Variants in TUSC3 observed in about 807,000 individuals in gnomAD.
TUSC3 encodes tumor suppressor candidate 3, also known as dolichyl-diphosphooligosaccharide--protein glycosyltransferase subunit TUSC3.
TUSC3 carries 45 observed loss-of-function variants against 44.8 expected under a neutral mutation model. That is an observed-to-expected ratio of 1.00 (90% CI 0.79 to 1.29). The LOEUF is 1.29. Ranked by LOEUF, TUSC3 falls within the 50% of genes most tolerant of loss-of-function variation. The pLI is 0.00. For synonymous variants in TUSC3, 212 were observed against 152.9 expected (o/e 1.39, Z -2.85); for missense variants, 519 against 437.9 (o/e 1.19, Z -1.65).
At chr8:15,526,774 A>G (rs1419202107) in intron 2 of TUSC3, among the ~76,000 whole-genome samples, 4 of 152,152 alleles carry the variant, frequency 2.6e-5, no homozygotes, top group African/African-American at 7.2e-5. Flanking sequence ...GAGTCCACAT[A>G]TAAAATGATA....
intron 1 of TUSC3, among the ~76,000 whole-genome samples, chr8:15,562,067 A>C (rs1802494900): frequency 6.6e-6 from 1 of 152,152 alleles, no homozygotes; most frequent in African/African-American, 2.4e-5. Flanking sequence ...CATAGCTAAG[A>C]TGGAAATGGA....
rs138528908 is a variant in TUSC3 at position 15,689,867 on chromosome 8, A to AAAATAT, written c.798+16032_798+16033insAATATA. Among the ~76,000 whole-genome samples, 12 of 142,916 alleles carry AAAATAT rather than the reference A, an allele frequency of 8.4e-5. 1 individual carries two copies. The highest frequency in any genetic ancestry group is 3.1e-4 in the African/African-American group (12 of 38,242). 93.8% of individuals were successfully genotyped at this position (142,916 alleles called of 152,430 possible). A position where few individuals can be genotyped will look rare whatever the true frequency, so the allele number is the denominator to read the frequency against. On this transcript the variant is annotated intron_variant, in intron 6 of 10. Coordinates refer to ENST00000503731, the MANE Select transcript of TUSC3 (RefSeq NM_006765.4). ...GTGTGTGTGTGTGTGTGTGTGTATA[A>AAAATAT]ATATATATATATATGCATGCCACAT...
intron 7 of TUSC3, 150 bp downstream of exon 7, chr8:15,730,879 A>G: frequency 4.2e-6 from 3 of 706,152 alleles, no homozygotes; most frequent in Non-Finnish European, 7.2e-6. Flanking sequence ...TTTTTATGCT[A>G]ATTATTTCCT....
chr8:15,690,064 C>T (rs1808832663), intron 6 of TUSC3, among the ~76,000 whole-genome samples: 1 of 152,094 alleles, frequency 6.6e-6, no homozygotes, highest in Admixed American at 6.6e-5. Context: ...GTAATTAATT[C>T]TGTTTTAAGC....
chr8:15,589,905 A>G (rs1046197144), intron 1 of TUSC3, among the ~76,000 whole-genome samples: 2 of 152,168 alleles, frequency 1.3e-5, no homozygotes, highest in Non-Finnish European at 2.9e-5. Context: ...CCTAGTGAGG[A>G]TAGAGTAGGA....
At chr8:15,542,551 T>A (rs4831340) in intron 1 of TUSC3, among the ~76,000 whole-genome samples, 1 of 151,894 alleles carries the variant, frequency 6.6e-6, no homozygotes. Context: ...CTTACATTTT[T>A]GTTTTTCGTT....
chr8:15,650,830 G>C lies in TUSC3; in HGVS notation c.426+16G>C. The C allele has an allele frequency of 3.8e-6, 6 of 1,597,770 alleles. No individual in the cohort carries two copies. Among genetic ancestry groups the C allele is most frequent in the Non-Finnish European group, 5.1e-6 (6 of 1,165,168 alleles). ...TTTTCAGCAGGTAAAGAGTTATATC[G>C]TATTCATATATTTAACATAGTTGTT... On this transcript the variant is annotated intron_variant, in intron 3 of 10. Coordinates refer to ENST00000503731, the MANE Select transcript of TUSC3 (RefSeq NM_006765.4).
chr8:15,470,346 A>G (rs900447663), intron 1 of TUSC3, among the ~76,000 whole-genome samples: 10 of 152,160 alleles, frequency 6.6e-5, no homozygotes, highest in African/African-American at 2.2e-4. Flanking sequence ...GGGCAATACA[A>G]CTAACGTTCA....
chr8:15,608,019 C>T (rs1470964194), intron 1 of TUSC3, among the ~76,000 whole-genome samples: 1 of 152,156 alleles, frequency 6.6e-6, no homozygotes, highest in East Asian at 1.9e-4. Flanking sequence ...GTTTCCTTAG[C>T]AAACCAGAAT....
At chr8:15,728,107 G>C (rs1810573993) in intron 6 of TUSC3, among the ~76,000 whole-genome samples, 1 of 152,122 alleles carries the variant, frequency 6.6e-6, no homozygotes, top group Admixed American at 6.6e-5. Flanking sequence ...GAAATACATA[G>C]GTTTCTTGTT....
At chr8:15,419,630 G>C (rs1799713523) in intron 1 of TUSC3, among the ~76,000 whole-genome samples, 1 of 152,080 alleles carries the variant, frequency 6.6e-6, no homozygotes, top group Non-Finnish European at 1.5e-5. Context: ...ATTAAATAAT[G>C]CAAACACAAA....
the TUSC3 span, among the ~76,000 whole-genome samples, chr8:15,834,635 G>T: frequency 6.6e-6 from 1 of 151,816 alleles, no homozygotes; most frequent in South Asian, 2.1e-4. Flanking sequence ...CTATGGATAT[G>T]GCATATTTCA....
chr8:15,842,699 A>C, the TUSC3 span, among the ~76,000 whole-genome samples: 18,658 of 152,170 alleles, frequency 0.12, 1,214 homozygotes, highest in East Asian at 0.26. Flanking sequence ...GAAAAACAGA[A>C]AAATTTTTGG....
chr8:15,814,970 T>C, the TUSC3 span, among the ~76,000 whole-genome samples: 1 of 152,134 alleles, frequency 6.6e-6, no homozygotes, highest in Non-Finnish European at 1.5e-5. Flanking sequence ...GTTTGTTGTT[T>C]AGTTGATAGG....
At chr8:15,592,600 A>G (rs867056618) in intron 1 of TUSC3, among the ~76,000 whole-genome samples, 1 of 152,186 alleles carries the variant, frequency 6.6e-6, no homozygotes, top group Non-Finnish European at 1.5e-5. Context: ...TTTGTCTTCT[A>G]TCATGATTGT....
chr8:15,759,850 A>G (rs992155437), intron 10 of TUSC3, among the ~76,000 whole-genome samples: 2 of 152,096 alleles, frequency 1.3e-5, no homozygotes, highest in Non-Finnish European at 2.9e-5. Context: ...TCTGCCTCCA[A>G]ATCTCTTTCT....
chr8:15,798,095 G>A, the TUSC3 span, among the ~76,000 whole-genome samples: 5 of 152,206 alleles, frequency 3.3e-5, no homozygotes, highest in African/African-American at 1.2e-4. Context: ...CCCACTAGGG[G>A]TTCTCTACAT....
intron 5 of TUSC3, among the ~76,000 whole-genome samples, chr8:15,672,744 G>GT (rs1371542885): frequency 6.6e-6 from 1 of 151,968 alleles, no homozygotes; most frequent in African/African-American, 2.4e-5. Flanking sequence ...TTTAGATATC[G>GT]TTTTTTATTT....
At chr8:15,429,492 T>C (rs1311699571) in intron 1 of TUSC3, among the ~76,000 whole-genome samples, 4 of 151,352 alleles carry the variant, frequency 2.6e-5, no homozygotes, top group African/African-American at 7.4e-5. Context: ...AGTAGTTTTT[T>C]CCAATTCTGT....
Sources: gnomAD v4.1 joint callset for allele counts (sites outside exome capture counted in the v4.1 genomes callset) on GRCh38, gnomAD v4.1.1 for gene constraint, MANE v1.5 for transcripts, NCBI Gene and HGNC (gene_info 2026-07-23, HGNC 2026-07-21) for gene names.